The following FAM185A variants were observed in gnomAD, a reference collection of about 807,000 sequenced individuals.
The protein encoded by FAM185A is family with sequence similarity 185 member A, also known as protein FAM185A.
FAM185A carries 21 observed loss-of-function variants against 45.7 expected under a neutral mutation model. The observed-to-expected ratio is 0.46, with a 90% CI of 0.33 to 0.66. The LOEUF (loss-of-function observed/expected upper bound fraction) is 0.66. Among genes scored for constraint, FAM185A ranks in the 30% least tolerant of loss-of-function variants. The pLI is 0.03. For synonymous variants in FAM185A, 117 were observed against 194.0 expected (o/e 0.60, Z 3.30); for missense variants, 305 against 485.4 (o/e 0.63, Z 3.49).
chr7:102,830,549 A>G, the FAM185A span, among the ~76,000 whole-genome samples: 1 of 152,210 alleles, frequency 6.6e-6, no homozygotes, highest in East Asian at 1.9e-4. Flanking sequence ...AGTTCTAAAC[A>G]AGTATATTAT....
chr7:102,755,237 T>A (rs1793636830), intron 2 of FAM185A: 4 of 489,258 alleles, frequency 8.2e-6, no homozygotes, highest in Non-Finnish European at 1.4e-5. Flanking sequence ...GTGAATCCCC[T>A]GTTTGAGAAA....
intron 2 of FAM185A, among the ~76,000 whole-genome samples, chr7:102,754,193 T>C (rs1209052346): frequency 7.3e-6 from 1 of 137,782 alleles, no homozygotes; most frequent in African/African-American, 2.7e-5. Flanking sequence ...TTGACCTACA[T>C]AATAAAAAAA....
At chr7:102,845,910 G>A in the FAM185A span, among the ~76,000 whole-genome samples, 2 of 152,192 alleles carry the variant, frequency 1.3e-5, no homozygotes, top group African/African-American at 4.8e-5. Flanking sequence ...CTTTATCACA[G>A]CATTATGACT....
chr7:102,843,557 T>C, the FAM185A span, among the ~76,000 whole-genome samples: 1 of 147,320 alleles, frequency 6.8e-6, no homozygotes, highest in Non-Finnish European at 1.5e-5. Context: ...AGTGGATCAC[T>C]TGAGGTCAGG....
At position 102,749,435 on chromosome 7, in the gene FAM185A, G is replaced by T. The variant is rs1349728272; in HGVS notation, c.228G>T (p.Arg76=). ...CACTGCAGGTGAGCCCGTTTGGTCG[G>T]CTGCGGGCGCGGCTCCCGTGCCACC... ...EWTLQVSPFG[R]LRARLPCHLA... The change falls in exon 1 of 8, where the codon CGG becomes CGT. Residue 76 remains arginine, a synonymous_variant. Transcript: ENST00000413034. 1.9e-6 allele frequency: 3 copies of T among 1,548,054 alleles called. No homozygotes were observed. Among genetic ancestry groups the T allele is most frequent in the Non-Finnish European group, 2.6e-6 (3 of 1,146,214 alleles).
chr7:102,795,637 G>A (rs1796401062), intron 7 of FAM185A, among the ~76,000 whole-genome samples: 1 of 152,144 alleles, frequency 6.6e-6, no homozygotes, highest in Non-Finnish European at 1.5e-5. Context: ...GGGTTCACAG[G>A]ACAAAGTACC....
At chr7:102,805,992 C>T (rs1001957004) in intron 7 of FAM185A, among the ~76,000 whole-genome samples, 4 of 152,212 alleles carry the variant, frequency 2.6e-5, no homozygotes, top group African/African-American at 9.7e-5. Flanking sequence ...TTCCCCTTAT[C>T]TGAAGTCCAT....
chr7:102,839,468 G>A, the FAM185A span, among the ~76,000 whole-genome samples: 3 of 152,130 alleles, frequency 2.0e-5, no homozygotes, highest in South Asian at 2.1e-4. Context: ...CCCACCTGAC[G>A]AGAAATACCC....
chr7:102,829,357 T>C, the FAM185A span, among the ~76,000 whole-genome samples: 3 of 152,220 alleles, frequency 2.0e-5, no homozygotes, highest in African/African-American at 7.2e-5. Flanking sequence ...TGGACCTGCT[T>C]CACATCACCT....
chr7:102,787,220 T>C, intron 6 of FAM185A, 115 bp from the exon 7 acceptor site: 1 of 964,424 alleles, frequency 1.0e-6, no homozygotes, highest in Middle Eastern at 3.6e-4. Flanking sequence ...TACTGTATGC[T>C]GAGGAGTAAA....
the FAM185A span, among the ~76,000 whole-genome samples, chr7:102,849,782 GA>G: frequency 4.3e-4 from 66 of 152,236 alleles, no homozygotes; most frequent in African/African-American, 1.5e-3. Flanking sequence ...ATGAATCTTG[GA>G]AGAGGTAAAA....
chr7:102,802,796 A>AC (rs1475352646), intron 7 of FAM185A, among the ~76,000 whole-genome samples: 1 of 152,122 alleles, frequency 6.6e-6, no homozygotes, highest in African/African-American at 2.4e-5. Context: ...AACTTGATAG[A>AC]CCATTAGTAA....
At chr7:102,755,086 G>A (rs550653983) in intron 2 of FAM185A, 2 of 378,294 alleles carry the variant, frequency 5.3e-6, no homozygotes, top group Non-Finnish European at 9.3e-6. Context: ...GTAAGTTCAT[G>A]TGAGCTTGGT....
the FAM185A span, among the ~76,000 whole-genome samples, chr7:102,839,637 CA>C: frequency 6.6e-6 from 1 of 152,088 alleles, no homozygotes; most frequent in African/African-American, 2.4e-5. Context: ...TAAGTAGAGA[CA>C]GGGTTTCACC....
chr7:102,799,227 A>G (rs1796626663), intron 7 of FAM185A, among the ~76,000 whole-genome samples: 1 of 152,128 alleles, frequency 6.6e-6, no homozygotes, highest in African/African-American at 2.4e-5. Context: ...TACCAATTGA[A>G]CTCAGAGATT....
chr7:102,801,784 G>C (rs986905729), intron 7 of FAM185A, among the ~76,000 whole-genome samples: 1 of 152,014 alleles, frequency 6.6e-6, no homozygotes, highest in African/African-American at 2.4e-5. Context: ...AATTAGCCAG[G>C]CGTGGTGGCG....
chr7:102,819,637 G>A, the FAM185A span, among the ~76,000 whole-genome samples: 1 of 152,180 alleles, frequency 6.6e-6, no homozygotes, highest in East Asian at 1.9e-4. Flanking sequence ...ATGGAATCAA[G>A]CATGTGGAGA....
intron 6 of FAM185A, among the ~76,000 whole-genome samples, chr7:102,784,661 T>C (rs1160103909): frequency 6.6e-6 from 1 of 152,162 alleles, no homozygotes; most frequent in Non-Finnish European, 1.5e-5. Context: ...CTCAATAAAT[T>C]AGGTATTGCT....
rs1404152073 is a variant in FAM185A at position 102,749,645 on chromosome 7, G to C, written c.438G>C (p.Ala146=). ...IHPQASVEVN[A]PLKFGLDIKS... ...CCCAGGCGTCCGTGGAGGTGAACGC[G>C]CCCCTGAAGTTTGGCAAGTGAAGTG... Residue 146 remains alanine (A), a synonymous_variant, in exon 1 of 8, where the codon GCG becomes GCC. Transcript: ENST00000413034. 4.1e-6 allele frequency: 6 copies of C among 1,475,832 alleles called. No homozygotes were observed. The Admixed American group carries it at 1.6e-4, about 39-fold the overall frequency. 91.4% of individuals were successfully genotyped at this position (1,475,832 alleles called of 1,614,324 possible).
Sources: allele counts gnomAD v4.1 joint callset (sites outside exome capture counted in the v4.1 genomes callset), GRCh38; gene constraint gnomAD v4.1.1; transcripts MANE v1.5; gene names NCBI Gene and HGNC (gene_info 2026-07-23, HGNC 2026-07-21).